RXYLT1: variants seen among roughly 807,000 people sequenced by gnomAD.
RXYLT1 encodes the protein ribitol xylosyltransferase 1, also known as ribitol-5-phosphate xylosyltransferase 1.
Under a neutral mutation model 43.5 loss-of-function variants are expected in RXYLT1, and 41 were observed. The ratio of observed to expected loss-of-function variants is 0.94; its 90% CI spans 0.73 to 1.22. The LOEUF (loss-of-function observed/expected upper bound fraction) is 1.22. RXYLT1 is among the 50% of genes most tolerant of loss of function. The pLI is 0.00. For synonymous variants in RXYLT1, 166 were observed against 194.4 expected, an observed-to-expected ratio of 0.85 and a Z score of 1.21; for missense variants, 514 against 532.0, an observed-to-expected ratio of 0.97 and a Z score of 0.33.
rs200941363 is a variant in RXYLT1, at chr12:63,808,790, G to T, written c.1030G>T (p.Ala344Ser). The change falls in exon 6 of 6, where the codon GCT becomes TCT. Residue 344 changes from alanine (A) to serine (S), a missense_variant. By Grantham distance (99) the Ala-to-Ser change is moderately conservative. Transcript: ENST00000261234. ...VNTECYRIYEACSYGSIPVVE... is the reference protein window; with the variant it reads ...VNTECYRIYESCSYGSIPVVE... ...CACAGAATGCTATCGAATCTATGAG[G>T]CTTGCTCCTATGGCTCCATTCCTGT... The T allele has an allele frequency of 1.9e-6, 3 of 1,613,892 alleles. No individual in the cohort carries two copies. The highest frequency in any genetic ancestry group is 1.7e-5 in the Admixed American group (1 of 59,912).
chr12:63,789,974 A>T (rs1176153624), intron 3 of RXYLT1, among the ~76,000 whole-genome samples: 2 of 152,222 alleles, frequency 1.3e-5, no homozygotes, highest in African/African-American at 2.4e-5. Context: ...GTGTAAATAT[A>T]CTTTGTTTAA....
At chr12:63,793,671 G>T (rs563318198) in intron 3 of RXYLT1, among the ~76,000 whole-genome samples, 1 of 152,206 alleles carries the variant, frequency 6.6e-6, no homozygotes, top group East Asian at 1.9e-4. Context: ...TGCCTAAATA[G>T]TAGTAGAAAT....
intron 3 of RXYLT1, among the ~76,000 whole-genome samples, chr12:63,788,824 A>G (rs529039303): frequency 6.6e-6 from 1 of 152,218 alleles, no homozygotes. Flanking sequence ...TTGCATTCCC[A>G]CCTTGACTGT....
chr12:63,808,451 C>T (rs764564976), intron 5 of RXYLT1: 7 of 532,332 alleles, frequency 1.3e-5, no homozygotes, highest in South Asian at 2.6e-5. Context: ...AGAAGTGTTA[C>T]GGTGACTCCT....
At chr12:63,789,164 A>G (rs543533473) in intron 3 of RXYLT1, among the ~76,000 whole-genome samples, 2 of 152,258 alleles carry the variant, frequency 1.3e-5, no homozygotes, top group Non-Finnish European at 2.9e-5. Context: ...GAGGGCATTC[A>G]TTATAGGGTT....
intron 3 of RXYLT1, among the ~76,000 whole-genome samples, chr12:63,793,930 C>T (rs1295420857): frequency 6.6e-6 from 1 of 152,228 alleles, no homozygotes; most frequent in Non-Finnish European, 1.5e-5. Flanking sequence ...TCTTACAATA[C>T]TGAAGCCTAC....
At chr12:63,784,137 T>G (rs918602306) in intron 2 of RXYLT1, among the ~76,000 whole-genome samples, 3 of 152,238 alleles carry the variant, frequency 2.0e-5, no homozygotes, top group Admixed American at 1.3e-4. Context: ...ATTCATAGAT[T>G]CTAAAGATTA....
At chr12:63,808,472 A>T (rs1898361593) in intron 5 of RXYLT1, 1 of 573,864 alleles carries the variant, frequency 1.7e-6, no homozygotes. Flanking sequence ...AGATTTTATA[A>T]ATGTACAACT....
intron 3 of RXYLT1, 47 bp downstream of exon 3, chr12:63,785,119 C>A: frequency 1.5e-6 from 2 of 1,377,022 alleles, no homozygotes; most frequent in Non-Finnish European, 9.9e-7. Flanking sequence ...ATGTTTTGCT[C>A]TGCAATATTT....
chr12:63,800,516 C>G (rs936901765), intron 3 of RXYLT1, among the ~76,000 whole-genome samples: 1 of 151,968 alleles, frequency 6.6e-6, no homozygotes, highest in Non-Finnish European at 1.5e-5. Context: ...TTAATACATA[C>G]TAGTGAAAAT....
At chr12:63,808,633 C>T in intron 5 of RXYLT1, 42 bp from the exon 6 acceptor site, 1 of 1,575,854 alleles carries the variant, frequency 6.3e-7, no homozygotes, top group Non-Finnish European at 8.6e-7. Flanking sequence ...AAACTATATA[C>T]TTAGTAAAGT....
intron 3 of RXYLT1, among the ~76,000 whole-genome samples, chr12:63,797,332 G>T (rs138683357): frequency 6.6e-6 from 1 of 151,688 alleles, no homozygotes; most frequent in African/African-American, 2.4e-5. Flanking sequence ...CATGTTTATT[G>T]TTATGGAAAT....
intron 3 of RXYLT1, among the ~76,000 whole-genome samples, chr12:63,791,563 G>A (rs892534068): frequency 6.6e-6 from 1 of 152,144 alleles, no homozygotes; most frequent in Non-Finnish European, 1.5e-5. Flanking sequence ...TAACGTTAAT[G>A]GTTACTGACA....
intron 2 of RXYLT1, among the ~76,000 whole-genome samples, chr12:63,782,006 AATC>A (rs1341810194): frequency 6.6e-6 from 1 of 152,200 alleles, no homozygotes; most frequent in African/African-American, 2.4e-5. Flanking sequence ...CCAGGCCTTC[AATC>A]ATCAAGTTCT....
In RXYLT1 at chr12:63,808,953, A is replaced by C; in HGVS notation, c.1193A>C (p.Lys398Thr). ...AAGGAACTCCCTGCTGTTTTAGAAA[A>C]AGAGAAAACTATAATTTTACAAGAA... ...NWKELPAVLE[K>T]EKTIILQEKI... The change falls in exon 6 of 6, where the codon AAA becomes ACA. Residue 398 changes from lysine (K) to threonine (T), a missense_variant. Lys to Thr is a moderately conservative substitution (Grantham distance 78). Transcript: ENST00000261234. The C allele has an allele frequency of 6.2e-7, 1 of 1,613,682 alleles. No homozygotes were observed. Among genetic ancestry groups the C allele is most frequent in the Non-Finnish European group, 8.5e-7 (1 of 1,179,960 alleles).
chr12:63,804,969 C>A, intron 4 of RXYLT1: 1 of 325,190 alleles, frequency 3.1e-6, no homozygotes, highest in Non-Finnish European at 5.5e-6. Context: ...ATGAGTAATG[C>A]AAGTTAAAGA....
intron 3 of RXYLT1, among the ~76,000 whole-genome samples, chr12:63,788,389 T>A (rs1165343208): frequency 1.3e-5 from 2 of 152,234 alleles, no homozygotes; most frequent in East Asian, 3.8e-4. Context: ...AGATGTCATC[T>A]TCTGCTGATA....
chr12:63,787,565 A>G (rs1207612592), intron 3 of RXYLT1, among the ~76,000 whole-genome samples: 1 of 152,188 alleles, frequency 6.6e-6, no homozygotes, highest in Non-Finnish European at 1.5e-5. Flanking sequence ...GCCCAGATCC[A>G]TCAGAGGAAC....
intron 3 of RXYLT1, among the ~76,000 whole-genome samples, chr12:63,786,664 G>A (rs1451909750): frequency 6.6e-6 from 1 of 152,236 alleles, no homozygotes; most frequent in East Asian, 1.9e-4. Context: ...AATCAGGGTG[G>A]TGGTTGCTGA....
Sources: allele counts gnomAD v4.1 joint callset (sites outside exome capture counted in the v4.1 genomes callset), GRCh38; gene constraint gnomAD v4.1.1; transcripts MANE v1.5; gene names NCBI Gene and HGNC (gene_info 2026-07-23, HGNC 2026-07-21).